The following RFX3 variants were observed in gnomAD, a reference collection of about 807,000 sequenced individuals.
RFX3 encodes the protein regulatory factor X3.
In RFX3, 14 loss-of-function variants were observed where a neutral mutation model predicts 98.6. The observed-to-expected ratio is 0.14, with a 90% confidence interval of 0.09 to 0.22. RFX3 has a LOEUF of 0.22. Among genes scored for constraint, RFX3 ranks in the 10% least tolerant of loss-of-function variants. The probability of loss-of-function intolerance (pLI) is 1.00; values close to 1 mark genes in which losing one functional copy is unlikely to be tolerated. For missense variants in RFX3, 639 were observed against 926.9 expected, an observed-to-expected ratio of 0.69 and a Z score of 4.03; for synonymous variants, 383 against 328.4, an observed-to-expected ratio of 1.17 and a Z score of -1.80.
intron 3 of RFX3, among the ~76,000 whole-genome samples, chr9:3,343,621 C>T (rs1025588107): frequency 5.3e-5 from 8 of 152,062 alleles, no homozygotes; most frequent in East Asian, 3.9e-4. Context: ...TACTTATGGT[C>T]GCTAGTTGCT....
intron 15 of RFX3, among the ~76,000 whole-genome samples, chr9:3,242,801 T>A (rs934612012): frequency 1.3e-5 from 2 of 152,124 alleles, no homozygotes; most frequent in African/African-American, 4.8e-5. Flanking sequence ...TTTTTCTCTA[T>A]TACTGAAATA....
At chr9:3,465,913 C>G (rs906145854) in intron 1 of RFX3, among the ~76,000 whole-genome samples, 7 of 151,862 alleles carry the variant, frequency 4.6e-5, no homozygotes, top group Admixed American at 6.6e-5. Flanking sequence ...GCATTCTTAG[C>G]AGGGCAAAGA....
chr9:3,243,267 TGAAAATTTAAAA>T (rs1160955903), intron 15 of RFX3, among the ~76,000 whole-genome samples: 1 of 150,456 alleles, frequency 6.6e-6, no homozygotes, highest in African/African-American at 2.4e-5. Context: ...AATATTTAAA[TGAAAATTTAAAA>T]ATTATATAAA....
At chr9:3,413,357 G>T (rs193028809) in intron 1 of RFX3, among the ~76,000 whole-genome samples, 1 of 152,128 alleles carries the variant, frequency 6.6e-6, no homozygotes, top group African/African-American at 2.4e-5. Flanking sequence ...GGTAATTTAT[G>T]TTCCTTCTCA....
intron 15 of RFX3, chr9:3,247,410 G>T: frequency 2.4e-6 from 2 of 834,538 alleles, no homozygotes; most frequent in Non-Finnish European, 2.9e-6. Context: ...CCATTTTTTA[G>T]CTGAGTAATC....
chr9:3,292,358 C>T (rs1236738095), intron 6 of RFX3, among the ~76,000 whole-genome samples: 1 of 152,032 alleles, frequency 6.6e-6, no homozygotes, highest in East Asian at 1.9e-4. Flanking sequence ...TGAAAACACT[C>T]ATATTTATTT....
intron 4 of RFX3, chr9:3,324,002 G>A (rs761829178): frequency 4.5e-6 from 2 of 443,552 alleles, no homozygotes; most frequent in South Asian, 1.7e-5. Context: ...TGAAAATGAG[G>A]CCCAGAACCT....
chr9:3,263,301 C>T (rs932460314), intron 12 of RFX3, among the ~76,000 whole-genome samples: 19 of 152,274 alleles, frequency 1.2e-4, no homozygotes, highest in Middle Eastern at 3.4e-3. Context: ...AAGACTAAAA[C>T]AAACTCCCAC....
In RFX3 at chr9:3,277,311, C is replaced by G. The variant is rs1371210493; in HGVS notation, c.973+29G>C. 1.9e-6 allele frequency: 3 copies of G among 1,606,094 alleles called. No individual in the cohort carries two copies. In the Admixed American group the frequency reaches 5.0e-5, roughly 27 times the overall value. ...GACTAACTTTTCAAAATCCTAGTAG[C>G]AACTAATATGCATTACACCTTAACA... On this transcript the variant is annotated intron_variant, in intron 8 of 16. Coordinates refer to ENST00000617270, the MANE Select transcript of RFX3 (RefSeq NM_001282116.2).
chr9:3,276,378 G>C (rs969725889), intron 8 of RFX3, among the ~76,000 whole-genome samples: 2 of 152,048 alleles, frequency 1.3e-5, no homozygotes, highest in African/African-American at 4.8e-5. Flanking sequence ...ATTAATGTAA[G>C]ACATTTTGGT....
chr9:3,485,492 G>C (rs887706516), intron 1 of RFX3, among the ~76,000 whole-genome samples: 3 of 152,158 alleles, frequency 2.0e-5, no homozygotes, highest in African/African-American at 7.2e-5. Context: ...GCTTACGCTA[G>C]ACCACTTTGC....
intron 1 of RFX3, among the ~76,000 whole-genome samples, chr9:3,520,020 G>C (rs1000389209): frequency 1.5e-4 from 23 of 152,158 alleles, no homozygotes; most frequent in African/African-American, 5.6e-4. Flanking sequence ...TGTGGCAGGA[G>C]GACCACGTGA....
At chr9:3,236,686 C>G (rs1819197750) in intron 15 of RFX3, among the ~76,000 whole-genome samples, 1 of 152,200 alleles carries the variant, frequency 6.6e-6, no homozygotes, top group Non-Finnish European at 1.5e-5. Context: ...ACACACAAAG[C>G]AGACACCACA....
intron 7 of RFX3, among the ~76,000 whole-genome samples, chr9:3,286,203 A>G (rs1826578115): frequency 1.3e-5 from 2 of 151,832 alleles, no homozygotes; most frequent in African/African-American, 2.4e-5. Context: ...AATCACACCA[A>G]AAAGTAAAGG....
chr9:3,459,261 G>A (rs1448625525), intron 1 of RFX3, among the ~76,000 whole-genome samples: 1 of 152,154 alleles, frequency 6.6e-6, no homozygotes, highest in African/African-American at 2.4e-5. Context: ...CTAGTGCCAG[G>A]TGACAACTGT....
At chr9:3,356,106 G>A (rs1835720031) in intron 2 of RFX3, among the ~76,000 whole-genome samples, 1 of 147,552 alleles carries the variant, frequency 6.8e-6, no homozygotes, top group Admixed American at 6.8e-5. Context: ...AATAACCTAA[G>A]TTTCCACTTT....
At chr9:3,509,190 G>A (rs1488164035) in intron 1 of RFX3, among the ~76,000 whole-genome samples, 1 of 151,906 alleles carries the variant, frequency 6.6e-6, no homozygotes, top group Non-Finnish European at 1.5e-5. Flanking sequence ...TATTCATTCT[G>A]TTCATTCACT....
intron 15 of RFX3, among the ~76,000 whole-genome samples, chr9:3,245,558 T>A (rs1294647728): frequency 4.6e-5 from 7 of 152,066 alleles, no homozygotes; most frequent in Non-Finnish European, 1.0e-4. Flanking sequence ...CAGAACTTGG[T>A]AATTGGTTGT....
rs1429941328 is a variant in RFX3, at chr9:3,218,735, A to G, written c.*6307T>C. The G allele has an allele frequency of 6.6e-6, 1 of 152,208 alleles. No individual in the cohort carries two copies. The highest frequency in any genetic ancestry group is 1.5e-5 in the Non-Finnish European group (1 of 68,028). The allele number at this position is 152,208 out of a possible 1,614,324, so 9.4% of individuals were successfully genotyped here. Reference sequence around the variant, plus strand: ...TCCAAAAACTGGAAAAGAACATTACATTATCTCACACATACAATCTCTACA... The same window carrying G: ...TCCAAAAACTGGAAAAGAACATTACGTTATCTCACACATACAATCTCTACA... On this transcript the variant is annotated 3_prime_UTR_variant, in exon 17 of 17. Coordinates refer to ENST00000617270, the MANE Select transcript of RFX3 (RefSeq NM_001282116.2).
Sources: gnomAD v4.1 joint callset for allele counts (sites outside exome capture counted in the v4.1 genomes callset) on GRCh38, gnomAD v4.1.1 for gene constraint, MANE v1.5 for transcripts, NCBI Gene and HGNC (gene_info 2026-07-23, HGNC 2026-07-21) for gene names.